The following FMN2 variants were observed in gnomAD, a reference collection of about 807,000 sequenced individuals.
The protein encoded by FMN2 is formin-2.
A neutral mutation model predicts 142.3 loss-of-function variants in FMN2; 51 were observed. That is an observed-to-expected ratio of 0.36 (90% CI 0.29 to 0.45). The LOEUF is 0.45. FMN2 is among the 20% of genes least tolerant of loss of function. The probability of loss-of-function intolerance (pLI) is 1.00; values close to 1 mark genes in which losing one functional copy is unlikely to be tolerated. For missense variants in FMN2, 1,936 were observed against 2,122.8 expected (o/e 0.91, Z 1.73); for synonymous variants, 882 against 869.8 (o/e 1.01, Z -0.25).
chr1:240,386,684 A>C (rs1673415638), intron 14 of FMN2, among the ~76,000 whole-genome samples: 1 of 152,192 alleles, frequency 6.6e-6, no homozygotes. Context: ...TGGAGGTAGA[A>C]ATGTGGAGTC....
At chr1:240,142,121 G>C (rs973699005) in intron 2 of FMN2, among the ~76,000 whole-genome samples, 6 of 152,190 alleles carry the variant, frequency 3.9e-5, no homozygotes, top group Non-Finnish European at 7.3e-5. Context: ...TAGCTTTGAA[G>C]TTACAAGGGT....
intron 8 of FMN2, among the ~76,000 whole-genome samples, chr1:240,306,558 T>C (rs957991584): frequency 8.5e-5 from 13 of 152,204 alleles, no homozygotes; most frequent in Non-Finnish European, 1.6e-4. Flanking sequence ...GCTGCATCCA[T>C]GTTTCTGCAA....
At chr1:240,101,327 A>C (rs902375415) in intron 1 of FMN2, among the ~76,000 whole-genome samples, 1 of 152,094 alleles carries the variant, frequency 6.6e-6, no homozygotes, top group East Asian at 1.9e-4. Context: ...GCTTTCCTTT[A>C]TTGGTAGAGC....
At chr1:240,159,931 ATTTGT>A (rs1468272418) in intron 2 of FMN2, among the ~76,000 whole-genome samples, 1 of 126,440 alleles carries the variant, frequency 7.9e-6, no homozygotes, top group African/African-American at 2.8e-5. Flanking sequence ...ATATATATAT[ATTTGT>A]GTATATATAT....
chr1:240,175,045 A>G (rs1421418065), intron 2 of FMN2, among the ~76,000 whole-genome samples: 3 of 152,152 alleles, frequency 2.0e-5, no homozygotes, highest in Non-Finnish European at 4.4e-5. Flanking sequence ...GAATTTGACA[A>G]TGTTATGTAC....
At chr1:240,372,580 A>G (rs1444279238) in intron 14 of FMN2, among the ~76,000 whole-genome samples, 1 of 150,768 alleles carries the variant, frequency 6.6e-6, no homozygotes, top group Non-Finnish European at 1.5e-5. Flanking sequence ...TAAAATCTAT[A>G]GAGATTTATT....
chr1:240,284,202 A>C (rs1375592895), intron 7 of FMN2, among the ~76,000 whole-genome samples: 2 of 152,160 alleles, frequency 1.3e-5, no homozygotes, highest in African/African-American at 2.4e-5. Flanking sequence ...TTTTTAACTG[A>C]TTCAAATGTA....
At chr1:240,470,900 T>G (rs986885625) in intron 16 of FMN2, among the ~76,000 whole-genome samples, 2 of 152,192 alleles carry the variant, frequency 1.3e-5, no homozygotes, top group Admixed American at 6.5e-5. Context: ...AATAATAAAT[T>G]TTATAGCCTT....
intron 8 of FMN2, among the ~76,000 whole-genome samples, chr1:240,298,661 C>T (rs1007216095): frequency 2.6e-5 from 4 of 152,096 alleles, no homozygotes; most frequent in Non-Finnish European, 5.9e-5. Context: ...TGCGTATGCA[C>T]GGGATCTAGG....
chr1:240,367,462 A>C (rs925830257), intron 14 of FMN2, among the ~76,000 whole-genome samples: 2 of 151,928 alleles, frequency 1.3e-5, no homozygotes, highest in African/African-American at 4.8e-5. Flanking sequence ...ATGGTGCATA[A>C]TTTTTTTGCC....
At chr1:240,104,246 G>A (rs920616984) in intron 1 of FMN2, among the ~76,000 whole-genome samples, 6 of 150,556 alleles carry the variant, frequency 4.0e-5, no homozygotes, top group Admixed American at 3.3e-4. Context: ...ATTTTAATAT[G>A]TATTAATATT....
chr1:240,398,541 C>A (rs538626094), intron 15 of FMN2, among the ~76,000 whole-genome samples: 35 of 152,122 alleles, frequency 2.3e-4, no homozygotes, highest in Non-Finnish European at 4.7e-4. Context: ...AAACAATGAA[C>A]CCCAAAATTC....
intron 13 of FMN2, 89 bp downstream of exon 13, chr1:240,334,318 C>T (rs778215937): frequency 9.4e-6 from 13 of 1,376,502 alleles, no homozygotes; most frequent in African/African-American, 1.5e-5. Context: ...GAAAAGTAAT[C>T]TTTTTTATCT....
At chr1:240,410,986 T>C (rs1674367498) in intron 15 of FMN2, among the ~76,000 whole-genome samples, 1 of 152,242 alleles carries the variant, frequency 6.6e-6, no homozygotes, top group Admixed American at 6.5e-5. Context: ...GATGTATCAT[T>C]ATTTATCAAT....
intron 1 of FMN2, among the ~76,000 whole-genome samples, chr1:240,108,724 TC>T (rs1661700582): frequency 6.6e-6 from 1 of 152,190 alleles, no homozygotes; most frequent in African/African-American, 2.4e-5. Flanking sequence ...GTCTTGTTCA[TC>T]CTTCTACCAT....
rs540610988 is a variant in FMN2 at position 240,214,516 on chromosome 1, A to G, written c.4065+3281A>G. Among the ~76,000 whole-genome samples, 8 of 149,240 alleles carry G rather than the reference A, an allele frequency of 5.4e-5. No homozygotes were observed. In the South Asian group the frequency reaches 1.3e-3, roughly 24 times the overall value. ...CAGTGAGCCGAGATCGCACCACTGCACTCCAGCCTGGGCAATAGAGTGAGA... is the reference window on the plus strand; with the variant it reads ...CAGTGAGCCGAGATCGCACCACTGCGCTCCAGCCTGGGCAATAGAGTGAGA... On this transcript the variant is annotated intron_variant, in intron 6 of 17. Coordinates refer to ENST00000319653, the MANE Select transcript of FMN2 (RefSeq NM_020066.5).
chr1:240,305,805 ACTT>A (rs35162233), intron 8 of FMN2, among the ~76,000 whole-genome samples: 2 of 151,688 alleles, frequency 1.3e-5, no homozygotes, highest in African/African-American at 4.9e-5. Context: ...TTCCACTTAT[ACTT>A]CTTGTCATAA....
At chr1:240,194,024 G>GT (rs1255034701) in intron 4 of FMN2, among the ~76,000 whole-genome samples, 2 of 151,760 alleles carry the variant, frequency 1.3e-5, no homozygotes, top group Non-Finnish European at 2.9e-5. Context: ...AAATACACTA[G>GT]TTTTTTTGTT....
At chr1:240,221,236 A>C (rs1667099676) in intron 6 of FMN2, among the ~76,000 whole-genome samples, 1 of 152,202 alleles carries the variant, frequency 6.6e-6, no homozygotes, top group Non-Finnish European at 1.5e-5. Context: ...TATACCCAGT[A>C]ATGGGATTGC....
Sources: allele counts gnomAD v4.1 joint callset (sites outside exome capture counted in the v4.1 genomes callset), GRCh38; gene constraint gnomAD v4.1.1; transcripts MANE v1.5; gene names NCBI Gene and HGNC (gene_info 2026-07-23, HGNC 2026-07-21).